The following STARD13 variants were observed in gnomAD, a reference collection of about 807,000 sequenced individuals.
The protein encoded by STARD13 is stAR-related lipid transfer protein 13.
Under a neutral mutation model 106.4 loss-of-function variants are expected in STARD13, and 62 were observed. That is an observed-to-expected ratio of 0.58 (90% CI 0.48 to 0.72). STARD13 has a LOEUF of 0.72. Ranked by LOEUF, STARD13 falls within the 30% of genes least tolerant of loss-of-function variation. STARD13 has a pLI of 0.00. For missense variants in STARD13, 1,387 were observed against 1,424.0 expected, an observed-to-expected ratio of 0.97 and a Z score of 0.42; for synonymous variants, 565 against 553.0, an observed-to-expected ratio of 1.02 and a Z score of -0.31.
chr13:33,386,442 A>G, the STARD13 span, among the ~76,000 whole-genome samples: 1 of 152,040 alleles, frequency 6.6e-6, no homozygotes, highest in African/African-American at 2.4e-5. Flanking sequence ...AGGTATGGTA[A>G]ATTCCCAAGG....
the STARD13 span, among the ~76,000 whole-genome samples, chr13:33,638,216 G>C: frequency 6.6e-6 from 1 of 152,164 alleles, no homozygotes; most frequent in African/African-American, 2.4e-5. Context: ...CATGTACCCA[G>C]GGTAGTTGGG....
At chr13:33,380,032 C>A in the STARD13 span, among the ~76,000 whole-genome samples, 1 of 152,072 alleles carries the variant, frequency 6.6e-6, no homozygotes, top group African/African-American at 2.4e-5. Flanking sequence ...TAAATGCATG[C>A]AAGACAGAGA....
the STARD13 span, among the ~76,000 whole-genome samples, chr13:33,665,465 A>G: frequency 3.3e-5 from 5 of 152,226 alleles, no homozygotes; most frequent in African/African-American, 1.2e-4. Context: ...TTGTACCTTT[A>G]ATTAAGAAAT....
the STARD13 span, among the ~76,000 whole-genome samples, chr13:33,478,893 G>T: frequency 6.6e-6 from 1 of 152,170 alleles, no homozygotes; most frequent in Non-Finnish European, 1.5e-5. Flanking sequence ...TCCAGCCTGG[G>T]TGACAGAGGA....
the STARD13 span, among the ~76,000 whole-genome samples, chr13:33,596,988 C>T: frequency 3.3e-5 from 5 of 152,162 alleles, no homozygotes; most frequent in African/African-American, 1.2e-4. Flanking sequence ...AATAGTGCTG[C>T]AATAACTATA....
At chr13:33,349,492 G>A (rs1236879588) in intron 1 of STARD13, among the ~76,000 whole-genome samples, 1 of 152,214 alleles carries the variant, frequency 6.6e-6, no homozygotes, top group Non-Finnish European at 1.5e-5. Flanking sequence ...TGGCCCTACA[G>A]AAAGAGGGCT....
At position 33,123,055 on chromosome 13, in the gene STARD13, C is replaced by CAAAAAAAAAA. The variant is rs71071079; in HGVS notation, c.2082+3016_2082+3025dup. On this transcript the variant is annotated intron_variant, in intron 7 of 13. Transcript: ENST00000336934. The stretch of plus-strand genomic sequence containing the variant: ...TGGGTGACAGAGCAAGACTCCATCT[C>CAAAAAAAAAA]AAAAAAAAAAAAAAAAAAAAAAAAG... 1.2e-3 allele frequency among the ~76,000 whole-genome samples: 54 copies of CAAAAAAAAAA among 45,852 alleles called. 6 individuals are homozygous for CAAAAAAAAAA. The highest frequency in any genetic ancestry group is 1.7e-3 in the East Asian group (2 of 1,208). 30.1% of individuals were successfully genotyped at this position (45,852 alleles called of 152,430 possible).
the STARD13 span, among the ~76,000 whole-genome samples, chr13:33,649,398 C>A: frequency 6.6e-6 from 1 of 152,144 alleles, no homozygotes. Flanking sequence ...TCTTAATCAC[C>A]TTCTACCTCC....
chr13:33,458,984 C>G, the STARD13 span, among the ~76,000 whole-genome samples: 1 of 152,004 alleles, frequency 6.6e-6, no homozygotes. Flanking sequence ...CAAGCATGAT[C>G]TACCCACCTT....
At chr13:33,616,434 C>A in the STARD13 span, among the ~76,000 whole-genome samples, 3 of 152,166 alleles carry the variant, frequency 2.0e-5, no homozygotes, top group African/African-American at 7.2e-5. Context: ...TCTGCTCTTC[C>A]GCATATTTTC....
the STARD13 span, among the ~76,000 whole-genome samples, chr13:33,601,107 G>T: frequency 6.6e-6 from 1 of 152,166 alleles, no homozygotes; most frequent in Non-Finnish European, 1.5e-5. Flanking sequence ...ATTTGAGGTG[G>T]AAGGGCTAAA....
At chr13:33,615,431 T>C in the STARD13 span, among the ~76,000 whole-genome samples, 1 of 152,218 alleles carries the variant, frequency 6.6e-6, no homozygotes, top group East Asian at 1.9e-4. Context: ...AGCATTATCT[T>C]TGAGTGCTTA....
the STARD13 span, chr13:33,355,775 G>T: frequency 6.6e-6 from 1 of 152,196 alleles, no homozygotes; most frequent in East Asian, 1.9e-4. Context: ...TTGGATCACA[G>T]TCACCAATCT....
At chr13:33,507,785 G>C in the STARD13 span, among the ~76,000 whole-genome samples, 4 of 152,234 alleles carry the variant, frequency 2.6e-5, no homozygotes, top group South Asian at 2.1e-4. Flanking sequence ...TCACAACAAA[G>C]TAAGCTAGGG....
chr13:33,314,874 C>G (rs139813231), intron 1 of STARD13, among the ~76,000 whole-genome samples: 11 of 152,302 alleles, frequency 7.2e-5, no homozygotes, highest in African/African-American at 2.6e-4. Flanking sequence ...TTTATAATCT[C>G]TGTACCTGAT....
chr13:33,494,391 A>G, the STARD13 span, among the ~76,000 whole-genome samples: 1 of 152,146 alleles, frequency 6.6e-6, no homozygotes, highest in Non-Finnish European at 1.5e-5. Context: ...TTGTGTCCTC[A>G]GCCCCTAAAT....
At chr13:33,139,171 A>C (rs1879477647) in intron 4 of STARD13, among the ~76,000 whole-genome samples, 1 of 152,228 alleles carries the variant, frequency 6.6e-6, no homozygotes, top group African/African-American at 2.4e-5. Context: ...TGCTGAGGAA[A>C]CATGAGACCC....
the STARD13 span, among the ~76,000 whole-genome samples, chr13:33,487,732 C>T: frequency 2.0e-5 from 3 of 152,194 alleles, no homozygotes; most frequent in Non-Finnish European, 4.4e-5. Context: ...GAATTGCTTG[C>T]CTTGCCCTCC....
chr13:33,340,107 A>C (rs2077943521), intron 1 of STARD13, among the ~76,000 whole-genome samples: 1 of 152,210 alleles, frequency 6.6e-6, no homozygotes, highest in African/African-American at 2.4e-5. Flanking sequence ...ATGCTCCCAC[A>C]AAGGGGTAGA....
Sources: gnomAD v4.1 joint callset for allele counts (sites outside exome capture counted in the v4.1 genomes callset) on GRCh38, gnomAD v4.1.1 for gene constraint, MANE v1.5 for transcripts, NCBI Gene and HGNC (gene_info 2026-07-23, HGNC 2026-07-21) for gene names.